Variants in LRRC7 observed in about 807,000 individuals in gnomAD.
LRRC7 encodes the protein leucine-rich repeat-containing protein 7.
A neutral mutation model predicts 175.7 loss-of-function variants in LRRC7; 23 were observed. The ratio of observed to expected loss-of-function variants is 0.13; its 90% CI spans 0.09 to 0.19. The LOEUF (loss-of-function observed/expected upper bound fraction) is 0.19. LRRC7 is among the 10% of genes least tolerant of loss of function. The probability of loss-of-function intolerance (pLI) is 1.00; values close to 1 mark genes in which losing one functional copy is unlikely to be tolerated. For synonymous variants in LRRC7, 685 were observed against 680.9 expected, an observed-to-expected ratio of 1.01 and a Z score of -0.09; for missense variants, 1,354 against 1,904.7, an observed-to-expected ratio of 0.71 and a Z score of 5.38.
At chr1:69,768,350 G>T (rs1353960152) in intron 3 of LRRC7, among the ~76,000 whole-genome samples, 1 of 152,076 alleles carries the variant, frequency 6.6e-6, no homozygotes, top group African/African-American at 2.4e-5. Flanking sequence ...GGCTTGCTCT[G>T]CCCCTGGCTT....
chr1:70,088,978 G>A (rs1663818160), intron 24 of LRRC7, among the ~76,000 whole-genome samples: 1 of 152,022 alleles, frequency 6.6e-6, no homozygotes, highest in East Asian at 1.9e-4. Flanking sequence ...TAATATAACA[G>A]AACATTAGAA....
At chr1:69,909,656 G>C (rs1476001308) in intron 7 of LRRC7, among the ~76,000 whole-genome samples, 1 of 152,146 alleles carries the variant, frequency 6.6e-6, no homozygotes, top group Non-Finnish European at 1.5e-5. Flanking sequence ...AGTCTGATGG[G>C]CTTCCCTTTG....
intron 2 of LRRC7, among the ~76,000 whole-genome samples, chr1:69,693,599 A>G (rs908474717): frequency 7.5e-6 from 1 of 133,206 alleles, no homozygotes; most frequent in Non-Finnish European, 1.6e-5. Flanking sequence ...CACATTATGC[A>G]GGGCAATCTA....
intron 15 of LRRC7, 74 bp downstream of exon 15, chr1:70,018,892 C>A: frequency 8.6e-7 from 1 of 1,158,742 alleles, no homozygotes; most frequent in South Asian, 1.3e-5. Context: ...ATTCAGATCT[C>A]TGGCCAGGAG....
At chr1:70,007,865 C>G (rs1002576047) in intron 11 of LRRC7, among the ~76,000 whole-genome samples, 15 of 152,250 alleles carry the variant, frequency 9.9e-5, no homozygotes, top group African/African-American at 3.6e-4. Flanking sequence ...ACTAGGTCCT[C>G]TAGAAGCTTA....
At chr1:69,935,913 A>G (rs887224476) in intron 8 of LRRC7, among the ~76,000 whole-genome samples, 6 of 152,068 alleles carry the variant, frequency 3.9e-5, no homozygotes, top group African/African-American at 9.7e-5. Context: ...CGTGTTTTTC[A>G]TATGTTTTCT....
chr1:70,037,504 A>C (rs1659421703), intron 20 of LRRC7, among the ~76,000 whole-genome samples: 1 of 152,206 alleles, frequency 6.6e-6, no homozygotes, highest in South Asian at 2.1e-4. Context: ...ACATACCTGA[A>C]TATGCTCCCT....
At chr1:70,093,010 A>C (rs1483532058) in intron 25 of LRRC7, among the ~76,000 whole-genome samples, 1 of 152,134 alleles carries the variant, frequency 6.6e-6, no homozygotes, top group Non-Finnish European at 1.5e-5. Context: ...AGTGAAAAAC[A>C]CCAGTTCATT....
intron 7 of LRRC7, among the ~76,000 whole-genome samples, chr1:69,871,840 AT>A (rs1462124639): frequency 4.6e-5 from 7 of 152,012 alleles, no homozygotes; most frequent in African/African-American, 1.7e-4. Flanking sequence ...TTTTGTTCAA[AT>A]AATCTATGTA....
chr1:69,682,805 A>G (rs1660664096), intron 2 of LRRC7, among the ~76,000 whole-genome samples: 1 of 152,056 alleles, frequency 6.6e-6, no homozygotes, highest in African/African-American at 2.4e-5. Context: ...ATAATAGAAT[A>G]CTTTCCTGAT....
intron 7 of LRRC7, chr1:69,839,046 C>T (rs1232636480): frequency 3.2e-6 from 1 of 308,422 alleles, no homozygotes; most frequent in African/African-American, 2.2e-5. Context: ...TATCACCCTT[C>T]TGCAGTATTA....
chr1:69,929,727 A>G (rs996841653), intron 7 of LRRC7, among the ~76,000 whole-genome samples: 3 of 152,166 alleles, frequency 2.0e-5, no homozygotes, highest in Non-Finnish European at 4.4e-5. Flanking sequence ...ATAAGCCTGC[A>G]ATCACAGATA....
chr1:70,011,691 A>G (rs954738000), intron 11 of LRRC7, 106 bp from the exon 12 acceptor site: 20 of 690,778 alleles, frequency 2.9e-5, no homozygotes, highest in Admixed American at 5.0e-5. Flanking sequence ...TTATGTTGTT[A>G]CCGCATGAAT....
intron 17 of LRRC7, among the ~76,000 whole-genome samples, chr1:70,026,717 C>T (rs1220790281): frequency 6.6e-6 from 1 of 151,966 alleles, no homozygotes; most frequent in Admixed American, 6.6e-5. Context: ...TTAAACAGCA[C>T]TTACATTAAC....
rs538897128 is a variant in LRRC7 at position 69,888,438 on chromosome 1, A to G, written c.648-43069A>G. On this transcript the variant is annotated intron_variant, in intron 7 of 26. Transcript: ENST00000651989. ...GGAAAGGGAACTCCCCGACCCTTGCACTTCCCAAGTGAGGCAATGCCTCGC... is the reference window on the plus strand; with the variant it reads ...GGAAAGGGAACTCCCCGACCCTTGCGCTTCCCAAGTGAGGCAATGCCTCGC... Among the ~76,000 whole-genome samples the G allele has an allele frequency of 6.6e-5, 10 of 152,190 alleles. 1 individual carries two copies. The highest frequency in any genetic ancestry group is 5.8e-4 in the East Asian group (3 of 5,140).
At position 70,023,173 on chromosome 1, in the gene LRRC7, T is replaced by C; in HGVS notation, c.1593T>C (p.Thr531=). ...APWERGQRGI[T]LQPARLSGDC... Reference sequence around the variant, plus strand: ...GGGAAAGGGGCCAGCGTGGGATTACTCTCCAACCTGCCAGACTGTCTGGCG... The same window carrying C: ...GGGAAAGGGGCCAGCGTGGGATTACCCTCCAACCTGCCAGACTGTCTGGCG... Residue 531 remains threonine (T), a synonymous_variant, in exon 17 of 27, where the codon ACT becomes ACC. Coordinates refer to ENST00000651989, the MANE Select transcript of LRRC7 (RefSeq NM_001370785.2). The C allele has an allele frequency of 2.6e-6, 4 of 1,536,830 alleles. No homozygotes were observed. Among genetic ancestry groups the C allele is most frequent in the Non-Finnish European group, 3.5e-6 (4 of 1,132,586 alleles).
intron 15 of LRRC7, among the ~76,000 whole-genome samples, chr1:70,020,296 A>G (rs932284507): frequency 1.3e-5 from 2 of 151,996 alleles, no homozygotes; most frequent in Non-Finnish European, 1.5e-5. Context: ...GTTGCAAAGA[A>G]GATATTATCA....
intron 8 of LRRC7, among the ~76,000 whole-genome samples, chr1:69,973,264 A>C (rs1000369141): frequency 6.6e-6 from 1 of 151,740 alleles, no homozygotes; most frequent in African/African-American, 2.4e-5. Context: ...GAATAACACA[A>C]TGGACTTTGA....
In LRRC7 at chr1:69,986,376, T is replaced by C; in HGVS notation, c.921T>C (p.Pro307=). The part of the protein sequence containing the change: ...LLSSNMLQQL[P]DSIGLLKKLT... Reference sequence around the variant, plus strand: ...CATCCAATATGTTGCAACAATTGCCTGATTCTATAGGTGAGAATATAATAT... The same window carrying C: ...CATCCAATATGTTGCAACAATTGCCCGATTCTATAGGTGAGAATATAATAT... Residue 307 remains proline (P), a synonymous_variant, in exon 10 of 27, where the codon CCT becomes CCC. Transcript: ENST00000651989. The C allele has an allele frequency of 6.2e-7, 1 of 1,612,584 alleles. No homozygotes were observed. The highest frequency in any genetic ancestry group is 8.5e-7 in the Non-Finnish European group (1 of 1,179,290).
Sources: allele counts gnomAD v4.1 joint callset (sites outside exome capture counted in the v4.1 genomes callset), GRCh38; gene constraint gnomAD v4.1.1; transcripts MANE v1.5; gene names NCBI Gene and HGNC (gene_info 2026-07-23, HGNC 2026-07-21).